MMP13: variants seen among roughly 807,000 people sequenced by gnomAD.
The protein encoded by MMP13 is matrix metallopeptidase 13.
A neutral mutation model predicts 52.1 loss-of-function variants in MMP13; 45 were observed. The ratio of observed to expected loss-of-function variants is 0.86; its 90% CI spans 0.68 to 1.11. The LOEUF is 1.11. Ranked by LOEUF, MMP13 falls within the 50% of genes least tolerant of loss-of-function variation. MMP13 has a pLI of 0.00. For missense variants in MMP13, 576 were observed against 583.8 expected (o/e 0.99, Z 0.14); for synonymous variants, 200 against 204.4 (o/e 0.98, Z 0.18).
At position 102,950,330 on chromosome 11, in the gene MMP13, T is replaced by C. The variant is rs1351181247; in HGVS notation, c.800-103A>G. ...CTGCTGATGGACAGTGGGAGAGGGT[T>C]TCTCCAGGAAAAGCTGTAGGTCCTG... On this transcript the variant is annotated intron_variant, in intron 5 of 9. Transcript: ENST00000260302. 3.2e-6 allele frequency: 3 copies of C among 949,828 alleles called. No homozygotes were observed. In the Admixed American group the frequency reaches 5.1e-5, roughly 16 times the overall value. The allele number at this position is 949,828 out of a possible 1,614,324, so 58.8% of individuals were successfully genotyped here.
In MMP13 at chr11:102,949,562, C is replaced by T. The variant is rs144749081; in HGVS notation, c.918-404G>A. Among the ~76,000 whole-genome samples, 13 of 152,202 alleles carry T rather than the reference C, an allele frequency of 8.5e-5. No individual in the cohort carries two copies. The highest frequency in any genetic ancestry group is 1.3e-4 in the Admixed American group (2 of 15,284). ...TACATGAGAAACACCCCCCGCCCCA[C>T]GAGTACAATGTAATTAGAGTTATAA... On this transcript the variant is annotated intron_variant, in intron 6 of 9. Coordinates refer to ENST00000260302, the MANE Select transcript of MMP13 (RefSeq NM_002427.4). The surrounding 1 kb of genome is among the most constrained non-coding windows in gnomAD (Gnocchi z 4.2).
intron 4 of MMP13, 114 bp downstream of exon 4, chr11:102,954,042 G>C: frequency 2.5e-6 from 3 of 1,218,480 alleles, no homozygotes; most frequent in Non-Finnish European, 2.3e-6. Context: ...CTTTATTTAA[G>C]AAAATATAGT....
chr11:102,952,199 GA>G lies in MMP13; in HGVS notation c.638-27del, dbSNP rs1565255357. 8 of 1,610,302 alleles carry G rather than the reference GA, an allele frequency of 5.0e-6. No homozygotes were observed. The highest frequency in any genetic ancestry group is 5.1e-6 in the Non-Finnish European group (6 of 1,177,636). On this transcript the variant is annotated intron_variant, in intron 4 of 9. Coordinates refer to ENST00000260302, the MANE Select transcript of MMP13 (RefSeq NM_002427.4). The surrounding 1 kb of genome is among the most constrained non-coding windows in gnomAD (Gnocchi z 4.3). Reference sequence around the variant, plus strand: ...CTGTAAGAAAACAAAGAAACAATGAGAAAAAAAGGAATTCCAGTGACCAGGT... The same window carrying G: ...CTGTAAGAAAACAAAGAAACAATGAGAAAAAAGGAATTCCAGTGACCAGGT...
rs1860676182 is a variant in MMP13 at position 102,955,197 on chromosome 11, T to C, written c.362+55A>G. 6.3e-7 allele frequency: 1 copy of C among 1,590,510 alleles called. No individual in the cohort carries two copies. The highest frequency in any genetic ancestry group is 2.2e-5 in the East Asian group (1 of 44,768). On this transcript the variant is annotated intron_variant, in intron 2 of 9. Coordinates refer to ENST00000260302, the MANE Select transcript of MMP13 (RefSeq NM_002427.4). The surrounding 1 kb of genome is among the most constrained non-coding windows in gnomAD (Gnocchi z 4.9). ...ATAAGGCCTACTTAATATTAGACAT[T>C]TAATACTACAAGAAAAGGCTAACAA... is the stretch of plus-strand genomic sequence containing the variant.
chr11:102,943,224 G>A lies in MMP13; in HGVS notation c.*1042C>T, dbSNP rs1256022297. Reference sequence around the variant, plus strand: ...TTTTTTTAAATGCAGAGAAAAAAAGGCATCCTTCCATATCTCAAGGGATCA... The same window carrying A: ...TTTTTTTAAATGCAGAGAAAAAAAGACATCCTTCCATATCTCAAGGGATCA... On this transcript the variant is annotated 3_prime_UTR_variant, in exon 10 of 10. Coordinates refer to ENST00000260302, the MANE Select transcript of MMP13 (RefSeq NM_002427.4). 6.6e-6 allele frequency: 1 copy of A among 151,926 alleles called. No homozygotes were observed. The highest frequency in any genetic ancestry group is 1.5e-5 in the Non-Finnish European group (1 of 67,992). The allele number at this position is 151,926 out of a possible 1,614,324, so 9.4% of individuals were successfully genotyped here.
chr11:102,950,076 G>A lies in MMP13; in HGVS notation c.917+34C>T, dbSNP rs139253521. 2.1e-3 allele frequency: 3,175 copies of A among 1,521,696 alleles called. 53 individuals carry two copies. The African/African-American group carries it at 0.034, about 16-fold the overall frequency. The allele number at this position is 1,521,696 out of a possible 1,614,324, so 94.3% of individuals were successfully genotyped here. A position where few individuals can be genotyped will look rare whatever the true frequency, so the allele number is the denominator to read the frequency against. On this transcript the variant is annotated intron_variant, in intron 6 of 9. Transcript: ENST00000260302. ...AGAAGCAGCTTCACAGATGTTTGTC[G>A]CATACAGACTTTATGAAAGAATCTC... is the stretch of plus-strand genomic sequence containing the variant.
In MMP13 at chr11:102,949,623, G is replaced by A. The variant is rs1389699264; in HGVS notation, c.918-465C>T. On this transcript the variant is annotated intron_variant, in intron 6 of 9. Transcript: ENST00000260302. This position sits in a 1 kb window ranked among gnomAD's most constrained non-coding sequence, Gnocchi z 4.2. ...AAACATGCTATTGGATCACAGATGAGGGATCAATGAATGAATGAATAAACA... is the reference window on the plus strand; with the variant it reads ...AAACATGCTATTGGATCACAGATGAAGGATCAATGAATGAATGAATAAACA... Among the ~76,000 whole-genome samples the A allele has an allele frequency of 6.6e-6, 1 of 152,104 alleles. No homozygotes were observed. Among genetic ancestry groups the A allele is most frequent in the Non-Finnish European group, 1.5e-5 (1 of 68,010 alleles).
chr11:102,945,614 C>G lies in MMP13; in HGVS notation c.1315+32G>C, dbSNP rs3758853. On this transcript the variant is annotated intron_variant, in intron 9 of 9. Coordinates refer to ENST00000260302, the MANE Select transcript of MMP13 (RefSeq NM_002427.4). The stretch of plus-strand genomic sequence containing the variant: ...GAGTTTTGAGGGGCTACAGAAGCTC[C>G]TCTTTAAAGTCAGTGCAATGTAACT... 0.015 allele frequency: 19,441 copies of G among 1,315,152 alleles called. 969 individuals are homozygous for G. Among genetic ancestry groups the G allele is most frequent in the African/African-American group, 0.14 (9,756 of 68,998 alleles). 81.5% of individuals were successfully genotyped at this position (1,315,152 alleles called of 1,614,324 possible).
chr11:102,955,654 G>C lies in MMP13; in HGVS notation c.52C>G (p.Arg18Gly). The C allele has an allele frequency of 6.2e-7, 1 of 1,613,950 alleles. No homozygotes were observed. ...AFLFLSWTHCRALPLPSGGDE... is the reference protein window; with the variant it reads ...AFLFLSWTHCGALPLPSGGDE... ...CCACCACTGGGAAGGGGCAGGGCCC[G>C]ACAATGAGTCCAGCTCAAGAAGAGG... The change falls in exon 1 of 10, where the codon CGG (arginine) becomes GGG (glycine). Residue 18 changes from arginine to glycine, a missense_variant. By Grantham distance (125) the Arg-to-Gly change is moderately radical (BLOSUM62 -2). Coordinates refer to ENST00000260302, the MANE Select transcript of MMP13 (RefSeq NM_002427.4). The surrounding 1 kb of genome is among the most constrained non-coding windows in gnomAD (Gnocchi z 4.9).
intron 9 of MMP13, chr11:102,945,366 C>T: frequency 1.0e-6 from 1 of 953,076 alleles, no homozygotes; most frequent in Non-Finnish European, 1.4e-6. Flanking sequence ...TGGCAATATC[C>T]TTGCATTTTG....
At chr11:102,947,761 G>T (rs1860536485) in intron 8 of MMP13, 130 bp downstream of exon 8, 1 of 1,032,068 alleles carries the variant, frequency 9.7e-7, no homozygotes, top group South Asian at 1.4e-5. Flanking sequence ...TGAAAGAGCT[G>T]ACATGGAATG....
chr11:102,951,475 A>G (rs1555017309), intron 5 of MMP13, among the ~76,000 whole-genome samples: 1 of 152,158 alleles, frequency 6.6e-6, no homozygotes, highest in Admixed American at 6.5e-5. Flanking sequence ...AGTCTGCAAA[A>G]ATTTGGAGAA....
Position 102,952,286 on chromosome 11 carries a change from TTC to T in MMP13, c.638-115_638-114del, listed in dbSNP as rs1860626459. 2.5e-6 allele frequency: 3 copies of T among 1,187,210 alleles called. No individual in the cohort carries two copies. The highest frequency in any genetic ancestry group is 3.1e-5 in the African/African-American group (2 of 65,416). 73.5% of individuals were successfully genotyped at this position (1,187,210 alleles called of 1,614,324 possible). ...TTCTTTCTTGGCTATATACTTTCTT[TTC>T]TCTTTCTTCAGTCTCCTACTTTTTA... On this transcript the variant is annotated intron_variant, in intron 4 of 9. Transcript: ENST00000260302. The surrounding 1 kb of genome is among the most constrained non-coding windows in gnomAD (Gnocchi z 4.3).
At chr11:102,954,694 A>C in intron 2 of MMP13, 88 bp from the exon 3 acceptor site, 1 of 1,214,980 alleles carries the variant, frequency 8.2e-7, no homozygotes, top group Non-Finnish European at 1.2e-6. Flanking sequence ...TTTTCAATTC[A>C]AAATGCAATA....
At position 102,947,940 on chromosome 11, in the gene MMP13, A is replaced by C; in HGVS notation, c.1162T>G (p.Phe388Val). 1.2e-6 allele frequency: 2 copies of C among 1,614,020 alleles called. No homozygotes were observed. Among genetic ancestry groups the C allele is most frequent in the Non-Finnish European group, 1.7e-6 (2 of 1,179,928 alleles). ...EVKKISAAVH[F>V]EDTGKTLLFS... is the part of the protein sequence containing the mutation. ...AGGAGAGTCTTGCCTGTATCCTCAA[A>C]GTGAACAGCTGCACTTATCTTCTTA... Residue 388 changes from phenylalanine to valine, a missense_variant, in exon 8 of 10, where the codon TTT (phenylalanine) becomes GTT (valine). Phe to Val is a conservative substitution (Grantham distance 50). Transcript: ENST00000260302.
In MMP13 at chr11:102,952,005, G is replaced by A. The variant is rs72987505; in HGVS notation, c.799+7C>T. ...CTGATCATATTCTATTTCTATAACC[G>A]AGTTACCATAGAGAGACTGGATCCC... On this transcript the variant is annotated splice_region_variant and intron_variant, in intron 5 of 9. Coordinates refer to ENST00000260302, the MANE Select transcript of MMP13 (RefSeq NM_002427.4). The surrounding 1 kb of genome is among the most constrained non-coding windows in gnomAD (Gnocchi z 4.3). 919 of 1,612,268 alleles carry A rather than the reference G, an allele frequency of 5.7e-4. 7 individuals are homozygous for A. In the African/African-American group the frequency reaches 0.01, roughly 18 times the overall value.
At chr11:102,948,977 C>T in intron 7 of MMP13, 48 bp downstream of exon 7, 1 of 1,610,568 alleles carries the variant, frequency 6.2e-7, no homozygotes, top group Non-Finnish European at 8.5e-7. Flanking sequence ...TCAAATTCAG[C>T]ACTGCCTCCC....
In MMP13 at chr11:102,944,234, C is replaced by T. The variant is rs782216767; in HGVS notation, c.*32G>A. 1.3e-6 allele frequency: 2 copies of T among 1,535,028 alleles called. No individual in the cohort carries two copies. Among genetic ancestry groups the T allele is most frequent in the East Asian group, 4.5e-5 (2 of 44,378 alleles). On this transcript the variant is annotated 3_prime_UTR_variant, in exon 10 of 10. Transcript: ENST00000260302. Reference sequence around the variant, plus strand: ...TGGAAGTATTACCCCAAATGCTCTTCAGGATTTAAATAACAATTTTTAAAA... The same window carrying T: ...TGGAAGTATTACCCCAAATGCTCTTTAGGATTTAAATAACAATTTTTAAAA...
intron 4 of MMP13, among the ~76,000 whole-genome samples, 174 bp downstream of exon 4, chr11:102,953,982 T>C (rs1459887786): frequency 6.6e-6 from 1 of 152,228 alleles, no homozygotes; most frequent in African/African-American, 2.4e-5. Flanking sequence ...AATGTTGATA[T>C]CAATTTGTAG....
Sources: allele counts gnomAD v4.1 joint callset (sites outside exome capture counted in the v4.1 genomes callset), GRCh38; gene constraint gnomAD v4.1.1; non-coding constraint Gnocchi (gnomAD v3.1); transcripts MANE v1.5; gene names NCBI Gene and HGNC (gene_info 2026-07-23, HGNC 2026-07-21).